The following TENM2 variants were observed in gnomAD, a reference collection of about 807,000 sequenced individuals.
The protein encoded by TENM2 is teneurin-2.
Under a neutral mutation model 245.2 loss-of-function variants are expected in TENM2, and 52 were observed. The ratio of observed to expected loss-of-function variants is 0.21; its 90% CI spans 0.17 to 0.27. The LOEUF (loss-of-function observed/expected upper bound fraction) is 0.27, where lower values mean the gene tolerates loss of function less well. Ranked by LOEUF, TENM2 falls within the 10% of genes least tolerant of loss-of-function variation. TENM2 has a pLI of 1.00. For missense variants in TENM2, 3,046 were observed against 3,666.8 expected (o/e 0.83, Z 4.37); for synonymous variants, 1,363 against 1,438.9 (o/e 0.95, Z 1.19).
chr5:167,262,629 A>G, the TENM2 span, among the ~76,000 whole-genome samples: 1 of 152,182 alleles, frequency 6.6e-6, no homozygotes, highest in Non-Finnish European at 1.5e-5. Flanking sequence ...CTGCTTAGCA[A>G]ACTTGGAAAG....
At chr5:167,972,866 T>G (rs1359678214) in intron 4 of TENM2, among the ~76,000 whole-genome samples, 7 of 152,174 alleles carry the variant, frequency 4.6e-5, no homozygotes, top group African/African-American at 1.7e-4. Context: ...AGATATAGTA[T>G]GAGAAACAGA....
At chr5:167,315,659 AC>A (rs1417105878) in intron 1 of TENM2, among the ~76,000 whole-genome samples, 1 of 152,116 alleles carries the variant, frequency 6.6e-6, no homozygotes, top group Admixed American at 6.6e-5. Flanking sequence ...TTGAAAATTG[AC>A]CCTTTTTATG....
intron 10 of TENM2, among the ~76,000 whole-genome samples, 193 bp downstream of exon 12, chr5:168,118,679 T>G (rs769754676): frequency 6.6e-6 from 1 of 152,218 alleles, no homozygotes; most frequent in Non-Finnish European, 1.5e-5. Flanking sequence ...ATGGAGATGG[T>G]TCTGGAAGAA....
chr5:167,853,310 A>AAAAAAAAAAAAAAAAAAAATG (rs1411363418), intron 2 of TENM2, among the ~76,000 whole-genome samples: 1 of 137,422 alleles, frequency 7.3e-6, no homozygotes, highest in African/African-American at 2.8e-5. Flanking sequence ...AAAAAAAAAA[A>AAAAAAAAAAAAAAAAAAAATG]AAGAAAGTGA....
Position 168,218,046 on chromosome 5 carries a change from TA to T in TENM2, c.4234-75del. ...AAAGCTGTCTTTTTTCCTAGATATATAAAACCAGTAAGTGCCGTACGGTTAA... is the reference window on the plus strand; with the variant it reads ...AAAGCTGTCTTTTTTCCTAGATATATAAACCAGTAAGTGCCGTACGGTTAA... On this transcript the variant is annotated intron_variant, in intron 22 of 28. Coordinates refer to ENST00000518659, the Ensembl canonical transcript of TENM2. This position sits in a 1 kb window ranked among gnomAD's most constrained non-coding sequence, Gnocchi z 5.2. 6.8e-7 allele frequency: 1 copy of T among 1,471,484 alleles called. No homozygotes were observed. The allele number at this position is 1,471,484 out of a possible 1,614,324, so 91.2% of individuals were successfully genotyped here. A position where few individuals can be genotyped will look rare whatever the true frequency, so the allele number is the denominator to read the frequency against.
chr5:168,181,209 A>C (rs1027437022), intron 13 of TENM2, among the ~76,000 whole-genome samples: 1 of 152,254 alleles, frequency 6.6e-6, no homozygotes, highest in Admixed American at 6.5e-5. Flanking sequence ...ATTGGTTTAA[A>C]AGGTTTTGTT....
At chr5:167,732,080 C>A (rs1292490963) in intron 2 of TENM2, among the ~76,000 whole-genome samples, 2 of 152,150 alleles carry the variant, frequency 1.3e-5, no homozygotes, top group African/African-American at 2.4e-5. Context: ...ATTTTGACTA[C>A]TAAGAGGTGG....
At chr5:167,878,683 A>G (rs1476130080) in intron 3 of TENM2, among the ~76,000 whole-genome samples, 1 of 151,938 alleles carries the variant, frequency 6.6e-6, no homozygotes, top group Non-Finnish European at 1.5e-5. Context: ...CATGAATTTA[A>G]ATTTGACATA....
At chr5:167,406,142 A>T (rs1037444829) in intron 2 of TENM2, among the ~76,000 whole-genome samples, 8 of 152,114 alleles carry the variant, frequency 5.3e-5, no homozygotes, top group African/African-American at 1.9e-4. Context: ...AATGCTTCTA[A>T]ATGAGATGGC....
At chr5:167,946,668 T>A (rs1340034002) in intron 3 of TENM2, among the ~76,000 whole-genome samples, 1 of 152,160 alleles carries the variant, frequency 6.6e-6, no homozygotes, top group African/African-American at 2.4e-5. Context: ...TTTGGGTTCC[T>A]TTGCATACAG....
chr5:168,156,464 T>C (rs574314401), intron 12 of TENM2, among the ~76,000 whole-genome samples: 1 of 152,226 alleles, frequency 6.6e-6, no homozygotes, highest in Non-Finnish European at 1.5e-5. Flanking sequence ...GCATGCTTGA[T>C]GTTGAATATT....
intron 19 of TENM2, among the ~76,000 whole-genome samples, chr5:168,210,863 C>A (rs989456584): frequency 6.6e-6 from 1 of 152,124 alleles, no homozygotes; most frequent in Non-Finnish European, 1.5e-5. Flanking sequence ...TTAATTGAGA[C>A]CTTGGCATCT....
intron 2 of TENM2, among the ~76,000 whole-genome samples, chr5:167,694,024 T>C (rs941542085): frequency 6.6e-6 from 1 of 152,226 alleles, no homozygotes; most frequent in African/African-American, 2.4e-5. Context: ...ACAATTCCAC[T>C]TATCTAAGAT....
intron 2 of TENM2, among the ~76,000 whole-genome samples, chr5:167,389,862 C>T (rs955235563): frequency 2.0e-5 from 3 of 152,152 alleles, no homozygotes; most frequent in Non-Finnish European, 4.4e-5. Flanking sequence ...TTCTGGCTTC[C>T]CTTCACTTTA....
At chr5:167,889,078 T>TA (rs1300370712) in intron 3 of TENM2, among the ~76,000 whole-genome samples, 1 of 152,020 alleles carries the variant, frequency 6.6e-6, no homozygotes, top group African/African-American at 2.4e-5. Context: ...CTCTTTGCTT[T>TA]AAAAAACAAA....
At chr5:167,891,942 T>C (rs1433425427) in intron 3 of TENM2, among the ~76,000 whole-genome samples, 1 of 152,194 alleles carries the variant, frequency 6.6e-6, no homozygotes, top group Non-Finnish European at 1.5e-5. Flanking sequence ...CTTCCTGGAC[T>C]TGATTGAGTT....
intron 2 of TENM2, among the ~76,000 whole-genome samples, chr5:167,577,731 A>G (rs1428423137): frequency 6.6e-6 from 1 of 152,066 alleles, no homozygotes; most frequent in African/African-American, 2.4e-5. Flanking sequence ...AATAGTAGCT[A>G]TCGAGCGCTG....
chr5:167,631,259 A>G (rs188909777), intron 2 of TENM2, among the ~76,000 whole-genome samples: 251 of 152,328 alleles, frequency 1.6e-3, no homozygotes, highest in Non-Finnish European at 8.1e-4. Context: ...ATGAAATAAT[A>G]AAACGAAGAG....
At chr5:167,451,374 A>G (rs1476471126) in intron 2 of TENM2, among the ~76,000 whole-genome samples, 1 of 152,138 alleles carries the variant, frequency 6.6e-6, no homozygotes, top group Non-Finnish European at 1.5e-5. Flanking sequence ...AAACGATGCA[A>G]AGGGTCTTTG....
Sources: allele counts gnomAD v4.1 joint callset (sites outside exome capture counted in the v4.1 genomes callset), GRCh38; gene constraint gnomAD v4.1.1; non-coding constraint Gnocchi (gnomAD v3.1); transcripts MANE v1.5; gene names NCBI Gene and HGNC (gene_info 2026-07-23, HGNC 2026-07-21).